The following KLHDC8A variants were observed in gnomAD, a reference collection of about 807,000 sequenced individuals.
KLHDC8A encodes the protein kelch domain containing 8A.
KLHDC8A carries 21 observed loss-of-function variants against 33.1 expected under a neutral mutation model. That is an observed-to-expected ratio of 0.64 (90% CI 0.45 to 0.91). The LOEUF is 0.91. KLHDC8A is among the 40% of genes least tolerant of loss of function. The probability of loss-of-function intolerance (pLI) is 0.00; values close to 1 mark genes in which losing one functional copy is unlikely to be tolerated. For synonymous variants in KLHDC8A, 173 were observed against 193.5 expected, an observed-to-expected ratio of 0.89 and a Z score of 0.88; for missense variants, 435 against 483.3, an observed-to-expected ratio of 0.90 and a Z score of 0.94.
At chr1:205,341,265 A>G (rs1662781363) in intron 2 of KLHDC8A, among the ~76,000 whole-genome samples, 2 of 152,086 alleles carry the variant, frequency 1.3e-5, no homozygotes, top group Non-Finnish European at 2.9e-5. Flanking sequence ...GTCTGCCAGC[A>G]GCCAGTCCTC....
upstream of KLHDC8A, chr1:205,356,943 C>A (rs930665309): frequency 3.3e-5 from 6 of 180,528 alleles, no homozygotes; most frequent in Admixed American, 1.2e-4. Context: ...GGTGAGGGGG[C>A]GGACACGCTC....
chr1:205,338,731 G>T, intron 4 of KLHDC8A, 135 bp from the exon 5 acceptor site: 1 of 666,364 alleles, frequency 1.5e-6, no homozygotes, highest in Non-Finnish European at 2.6e-6. Context: ...TGCTTGGGGA[G>T]TACACAGTTC....
chr1:205,352,958 C>T (rs532804944), intron 1 of KLHDC8A, among the ~76,000 whole-genome samples: 2 of 152,330 alleles, frequency 1.3e-5, no homozygotes, highest in Admixed American at 6.5e-5. Context: ...CTAACAGCTG[C>T]CCCCCACGAG....
At position 205,336,805 on chromosome 1, in the gene KLHDC8A, C is replaced by T. The variant is rs891066250; in HGVS notation, c.*594G>A. The T allele has an allele frequency of 6.5e-6, 1 of 155,004 alleles. No homozygotes were observed. Among genetic ancestry groups the T allele is most frequent in the Non-Finnish European group, 1.4e-5 (1 of 69,698 alleles). 9.6% of individuals were successfully genotyped at this position (155,004 alleles called of 1,614,324 possible). A position where few individuals can be genotyped will look rare whatever the true frequency, so the allele number is the denominator to read the frequency against. The stretch of plus-strand genomic sequence containing the variant: ...AGGAAGGGATTCTTCCTGCCATGGC[C>T]TGGGCTGTCCAAGTGAGCCTGACTT... On this transcript the variant is annotated 3_prime_UTR_variant, in exon 6 of 6. Transcript: ENST00000367155.
intron 2 of KLHDC8A, 131 bp downstream of exon 2, chr1:205,343,098 A>C: frequency 2.3e-6 from 3 of 1,318,716 alleles, no homozygotes; most frequent in Non-Finnish European, 3.1e-6. Context: ...ATTTTGCTGA[A>C]CGCATGGGGT....
At chr1:205,340,587 C>T (rs1036367250) in intron 2 of KLHDC8A, among the ~76,000 whole-genome samples, 4 of 151,864 alleles carry the variant, frequency 2.6e-5, no homozygotes, top group African/African-American at 9.7e-5. Flanking sequence ...CGGGTTCAAG[C>T]GATTCTCCTG....
chr1:205,339,313 G>C lies in KLHDC8A; in HGVS notation c.638C>G (p.Ala213Gly). ...GTCCAGGGTCACAAAGCTGGAGAAG[G>C]CCCGCTTATAGGGAATGTTGGGAAA... ...TKFPNIPYKR[A>G]FSSFVTLDNH... Residue 213 changes from alanine (A) to glycine (G), a missense_variant, in exon 4 of 6, where the codon GCC (alanine) becomes GGC (glycine). Transcript: ENST00000367155. The surrounding 1 kb of genome is among the most constrained non-coding windows in gnomAD (Gnocchi z 5.1). 2 of 1,614,182 alleles carry C rather than the reference G, an allele frequency of 1.2e-6. No homozygotes were observed. The highest frequency in any genetic ancestry group is 1.7e-6 in the Non-Finnish European group (2 of 1,179,994).
intron 1 of KLHDC8A, among the ~76,000 whole-genome samples, chr1:205,354,289 T>C (rs1278242071): frequency 1.3e-5 from 2 of 152,262 alleles, no homozygotes; most frequent in South Asian, 4.1e-4. Context: ...TAAATTTGCA[T>C]TTAAATAGAA....
rs12060637 is a variant in KLHDC8A, at chr1:205,349,324, C to T, written c.-189-5531G>A. Among the ~76,000 whole-genome samples, 1,522 of 152,318 alleles carry T rather than the reference C, an allele frequency of 1.0e-2. 31 individuals carry two copies. The highest frequency in any genetic ancestry group is 0.035 in the African/African-American group (1,463 of 41,566). On this transcript the variant is annotated intron_variant, in intron 1 of 5. Transcript: ENST00000367155. The stretch of plus-strand genomic sequence containing the variant: ...AATCAGCCACATTCCTTCAGCTATC[C>T]TCCCTGCTCCCTCCCACTCCAGTGC...
At chr1:205,341,359 GA>G (rs35530862) in intron 2 of KLHDC8A, among the ~76,000 whole-genome samples, 138,378 of 149,624 alleles carry the variant, frequency 0.92, 64,428 homozygotes, top group East Asian at 1. Context: ...AATCTTATTG[GA>G]AAAAAAAAAA....
rs1662623198 is a variant in KLHDC8A, at chr1:205,336,120, AT to A, written c.*1278del. On this transcript the variant is annotated 3_prime_UTR_variant, in exon 6 of 6. Coordinates refer to ENST00000367155, the MANE Select transcript of KLHDC8A (RefSeq NM_018203.3). Reference sequence around the variant, plus strand: ...AGGGCAGGCATTTTATTCATCATTTATTTTAAAAATAACTGGGAGTCAGAAA... The same window carrying A: ...AGGGCAGGCATTTTATTCATCATTTATTTAAAAATAACTGGGAGTCAGAAA... 6.6e-6 allele frequency: 1 copy of A among 152,200 alleles called. No homozygotes were observed. Among genetic ancestry groups the A allele is most frequent in the Non-Finnish European group, 1.5e-5 (1 of 68,026 alleles). 9.4% of individuals were successfully genotyped at this position (152,200 alleles called of 1,614,324 possible). A position where few individuals can be genotyped will look rare whatever the true frequency, so the allele number is the denominator to read the frequency against.
intron 1 of KLHDC8A, among the ~76,000 whole-genome samples, chr1:205,352,064 C>T (rs1663127768): frequency 6.6e-6 from 1 of 152,170 alleles, no homozygotes; most frequent in African/African-American, 2.4e-5. Context: ...ATGAGGTTCA[C>T]AGTTTAGGCT....
intron 1 of KLHDC8A, 95 bp downstream of exon 1, chr1:205,356,438 C>T (rs905748158): frequency 9.2e-6 from 4 of 435,870 alleles, no homozygotes; most frequent in South Asian, 3.2e-5. Context: ...CCTGGGCAGC[C>T]CTCCTCTCAC....
In KLHDC8A at chr1:205,339,694, G is replaced by A. The variant is rs148740789; in HGVS notation, c.491C>T (p.Pro164Leu). 5.6e-6 allele frequency: 9 copies of A among 1,614,074 alleles called. No homozygotes were observed. Among genetic ancestry groups the A allele is most frequent in the African/African-American group, 2.7e-5 (2 of 74,934 alleles). ...MWVSLAPMPTPRYAATSFLRG... is the reference protein window; with the variant it reads ...MWVSLAPMPTLRYAATSFLRG... ...GAGGAAGGAGGTGGCAGCATATCTC[G>A]GGGTGGGCATGGGTGCTAGGGACAC... The change falls in exon 3 of 6, where the codon CCG (proline) becomes CTG (leucine). Residue 164 changes from proline (P) to leucine (L), a missense_variant. Coordinates refer to ENST00000367155, the MANE Select transcript of KLHDC8A (RefSeq NM_018203.3). This position sits in a 1 kb window ranked among gnomAD's most constrained non-coding sequence, Gnocchi z 5.1.
chr1:205,342,433 T>C (rs1662816801), intron 2 of KLHDC8A, among the ~76,000 whole-genome samples: 1 of 152,228 alleles, frequency 6.6e-6, no homozygotes, highest in South Asian at 2.1e-4. Flanking sequence ...TCCAGGCTCC[T>C]GAAGGCAGGG....
chr1:205,339,520 G>A lies in KLHDC8A; in HGVS notation c.542-111C>T. ...TACTCATTCATACAGGAAGCTCCCG[G>A]TGGGCTGGGCAGTGTGATTATCCCC... On this transcript the variant is annotated intron_variant, in intron 3 of 5. Coordinates refer to ENST00000367155, the MANE Select transcript of KLHDC8A (RefSeq NM_018203.3). The surrounding 1 kb of genome is among the most constrained non-coding windows in gnomAD (Gnocchi z 5.1). The A allele has an allele frequency of 1.4e-6, 2 of 1,416,584 alleles. No homozygotes were observed. Among genetic ancestry groups the A allele is most frequent in the South Asian group, 2.5e-5 (2 of 79,138 alleles). The allele number at this position is 1,416,584 out of a possible 1,614,324, so 87.8% of individuals were successfully genotyped here. A position where few individuals can be genotyped will look rare whatever the true frequency, so the allele number is the denominator to read the frequency against.
chr1:205,354,657 T>C (rs1663213927), intron 1 of KLHDC8A, among the ~76,000 whole-genome samples: 1 of 152,026 alleles, frequency 6.6e-6, no homozygotes, highest in Non-Finnish European at 1.5e-5. Context: ...GTTTCCTCAG[T>C]TGCTTATAAG....
rs1011955302 is a variant in KLHDC8A at position 205,356,561 on chromosome 1, G to C, written c.-218C>G. On this transcript the variant is annotated 5_prime_UTR_variant, in exon 1 of 6. Transcript: ENST00000367155. ...ACTGGAGGGAAAAGGATCGACACCC[G>C]GCGATCATCTGCAAAAGACAAAGAA... The C allele has an allele frequency of 1.5e-5, 7 of 456,198 alleles. No individual in the cohort carries two copies. Among genetic ancestry groups the C allele is most frequent in the Non-Finnish European group, 3.1e-5 (7 of 226,984 alleles). 28.3% of individuals were successfully genotyped at this position (456,198 alleles called of 1,614,324 possible).
In KLHDC8A at chr1:205,343,310, T is replaced by G; in HGVS notation, c.295A>C (p.Met99Leu). 2 of 1,613,486 alleles carry G rather than the reference T, an allele frequency of 1.2e-6. No individual in the cohort carries two copies. The highest frequency in any genetic ancestry group is 8.5e-7 in the Non-Finnish European group (1 of 1,179,940). Residue 99 changes from methionine (M) to leucine (L), a missense_variant, in exon 2 of 6, where the codon ATG becomes CTG. Coordinates refer to ENST00000367155, the MANE Select transcript of KLHDC8A (RefSeq NM_018203.3). Reference protein sequence around the residue: ...TNQLPLKVVEMYNIDEGKWKK... With the variant: ...TNQLPLKVVELYNIDEGKWKK... ...CACTTGCCCTCATCGATGTTGTACA[T>G]CTCCACGACCTTCAGGGGCAGCTGA...
Sources: gnomAD v4.1 joint callset for allele counts (sites outside exome capture counted in the v4.1 genomes callset) on GRCh38, gnomAD v4.1.1 for gene constraint, Gnocchi (gnomAD v3.1) non-coding constraint, MANE v1.5 for transcripts, NCBI Gene and HGNC (gene_info 2026-07-23, HGNC 2026-07-21) for gene names.